Variants in IRF2 observed in about 807,000 individuals in gnomAD.
The protein encoded by IRF2 is interferon regulatory factor 2.
IRF2 carries 15 observed loss-of-function variants against 40.6 expected under a neutral mutation model. The ratio of observed to expected loss-of-function variants is 0.37; its 90% CI spans 0.25 to 0.57. The LOEUF (loss-of-function observed/expected upper bound fraction) is 0.57, where lower values mean the gene tolerates loss of function less well. IRF2 is among the 20% of genes least tolerant of loss of function. IRF2 has a pLI of 0.77. For missense variants in IRF2, 317 were observed against 455.7 expected (o/e 0.70, Z 2.77); for synonymous variants, 151 against 165.5 (o/e 0.91, Z 0.67).
intron 1 of IRF2, among the ~76,000 whole-genome samples, chr4:184,446,132 C>A (rs775269987): frequency 1.3e-5 from 2 of 152,196 alleles, no homozygotes; most frequent in African/African-American, 2.4e-5. Flanking sequence ...CGCTCAGGGT[C>A]CCCAATAGGA....
chr4:184,404,580 AAT>A (rs1736782933), intron 6 of IRF2, among the ~76,000 whole-genome samples: 1 of 152,204 alleles, frequency 6.6e-6, no homozygotes, highest in Non-Finnish European at 1.5e-5. Flanking sequence ...ATAGAAATTG[AAT>A]TTCAAAAGAT....
intron 1 of IRF2, among the ~76,000 whole-genome samples, chr4:184,451,053 G>A (rs374521768): frequency 2.6e-5 from 4 of 152,318 alleles, no homozygotes; most frequent in Admixed American, 1.3e-4. Context: ...CTTTTATCAC[G>A]TAATTTTGAA....
intron 5 of IRF2, among the ~76,000 whole-genome samples, chr4:184,410,852 T>A (rs925791282): frequency 6.6e-5 from 10 of 152,322 alleles, no homozygotes; most frequent in African/African-American, 2.4e-4. Context: ...TTTTATCACT[T>A]GAGAAAACGA....
intron 1 of IRF2, among the ~76,000 whole-genome samples, chr4:184,430,201 C>T (rs936596135): frequency 6.6e-6 from 1 of 152,134 alleles, no homozygotes; most frequent in Non-Finnish European, 1.5e-5. Context: ...CTATTCCCTG[C>T]GCCCAGAACA....
chr4:184,418,418 A>G, intron 4 of IRF2, 114 bp downstream of exon 4: 2 of 1,058,978 alleles, frequency 1.9e-6, no homozygotes, highest in South Asian at 2.7e-5. Context: ...GATCCCCTAC[A>G]GCATGAACAG....
chr4:184,404,789 G>A (rs1736790878), intron 6 of IRF2, among the ~76,000 whole-genome samples: 1 of 152,176 alleles, frequency 6.6e-6, no homozygotes, highest in Admixed American at 6.5e-5. Context: ...GTAGGTGCCT[G>A]GGCCAGGCTG....
intron 1 of IRF2, among the ~76,000 whole-genome samples, chr4:184,473,002 C>T (rs953764417): frequency 1.3e-5 from 2 of 152,192 alleles, no homozygotes; most frequent in Non-Finnish European, 2.9e-5. Flanking sequence ...ACACCCGCGA[C>T]CCTTGGAACT....
intron 1 of IRF2, among the ~76,000 whole-genome samples, chr4:184,473,624 G>T (rs1024637674): frequency 6.8e-6 from 1 of 147,840 alleles, no homozygotes; most frequent in Non-Finnish European, 1.5e-5. Flanking sequence ...GGCCAGGCCC[G>T]GCGCCCGGCC....
intron 7 of IRF2, among the ~76,000 whole-genome samples, chr4:184,398,047 A>G (rs1736530523): frequency 6.6e-6 from 1 of 152,130 alleles, no homozygotes; most frequent in African/African-American, 2.4e-5. Context: ...AACCTGTACT[A>G]GATATAAAAA....
At chr4:184,457,595 A>G (rs1286677007) in intron 1 of IRF2, among the ~76,000 whole-genome samples, 1 of 152,186 alleles carries the variant, frequency 6.6e-6, no homozygotes, top group African/African-American at 2.4e-5. Context: ...AGAGAGTACA[A>G]AAAATATTTT....
chr4:184,423,080 T>C (rs1195577735), intron 2 of IRF2, among the ~76,000 whole-genome samples: 1 of 152,228 alleles, frequency 6.6e-6, no homozygotes, highest in Non-Finnish European at 1.5e-5. Context: ...GAAAGCAAGA[T>C]TCATTTTAAA....
chr4:184,407,120 C>T (rs1736886701), intron 6 of IRF2: 2 of 1,147,068 alleles, frequency 1.7e-6, no homozygotes, highest in South Asian at 1.3e-5. Context: ...AATGTCCGCA[C>T]CTGCAAACTT....
rs1266825807 is a variant in IRF2, at chr4:184,402,155, G to C, written c.530-3076C>G. Reference sequence around the variant, plus strand: ...ATAGGCCAGCGACTAACCATCTAGAGAGTCAGTTTAAGGCCGTGAGCACTG... The same window carrying C: ...ATAGGCCAGCGACTAACCATCTAGACAGTCAGTTTAAGGCCGTGAGCACTG... On this transcript the variant is annotated intron_variant, in intron 6 of 8. Coordinates refer to ENST00000393593, the MANE Select transcript of IRF2 (RefSeq NM_002199.4). Among the ~76,000 whole-genome samples the C allele has an allele frequency of 2.6e-5, 4 of 152,204 alleles. No individual in the cohort carries two copies. In the South Asian group the frequency reaches 6.2e-4, roughly 24 times the overall value.
At chr4:184,432,383 T>A (rs374192894) in intron 1 of IRF2, among the ~76,000 whole-genome samples, 1 of 152,246 alleles carries the variant, frequency 6.6e-6, no homozygotes, top group East Asian at 1.9e-4. Flanking sequence ...GCGACATTTG[T>A]CACATCGTTG....
chr4:184,452,192 CA>C (rs755928497), intron 1 of IRF2, among the ~76,000 whole-genome samples: 5 of 152,186 alleles, frequency 3.3e-5, no homozygotes, highest in Non-Finnish European at 7.3e-5. Context: ...GCAGAGGTGA[CA>C]GGGGCAACGA....
intron 1 of IRF2, among the ~76,000 whole-genome samples, chr4:184,440,311 G>C (rs941470321): frequency 6.6e-6 from 1 of 152,164 alleles, no homozygotes; most frequent in African/African-American, 2.4e-5. Flanking sequence ...TCCCTGTCCC[G>C]GCCACCCTCC....
At chr4:184,416,309 C>A (rs1737265709) in intron 5 of IRF2, among the ~76,000 whole-genome samples, 3 of 127,456 alleles carry the variant, frequency 2.4e-5, no homozygotes, top group Non-Finnish European at 4.7e-5. Flanking sequence ...CAGAGTAAGA[C>A]CTTGTCTCAA....
At chr4:184,423,464 C>T (rs544062120) in intron 2 of IRF2, among the ~76,000 whole-genome samples, 11 of 152,306 alleles carry the variant, frequency 7.2e-5, no homozygotes, top group African/African-American at 2.2e-4. Context: ...ATTTGCAAGA[C>T]GTTCCAATTA....
At chr4:184,404,262 G>A (rs1736771434) in intron 6 of IRF2, among the ~76,000 whole-genome samples, 1 of 152,174 alleles carries the variant, frequency 6.6e-6, no homozygotes. Flanking sequence ...GCCATCAGCA[G>A]AGCATCATGC....
Sources: gnomAD v4.1 joint callset for allele counts (sites outside exome capture counted in the v4.1 genomes callset) on GRCh38, gnomAD v4.1.1 for gene constraint, MANE v1.5 for transcripts, NCBI Gene and HGNC (gene_info 2026-07-23, HGNC 2026-07-21) for gene names.